The following ACADSB variants were observed in gnomAD, a reference collection of about 807,000 sequenced individuals.
The protein encoded by ACADSB is acyl-CoA dehydrogenase short/branched chain.
In ACADSB, 40 loss-of-function variants were observed where a neutral mutation model predicts 54.1. The observed-to-expected ratio is 0.74, with a 90% CI of 0.57 to 0.96. ACADSB has a LOEUF of 0.96. Ranked by LOEUF, ACADSB falls within the 40% of genes least tolerant of loss-of-function variation. The probability of loss-of-function intolerance (pLI) is 0.00; values close to 1 mark genes in which losing one functional copy is unlikely to be tolerated. For missense variants in ACADSB, 530 were observed against 510.4 expected, an observed-to-expected ratio of 1.04 and a Z score of -0.37; for synonymous variants, 182 against 182.8, an observed-to-expected ratio of 1.00 and a Z score of 0.03.
chr10:123,031,680 C>A (rs1850329222), intron 1 of ACADSB, among the ~76,000 whole-genome samples: 1 of 152,144 alleles, frequency 6.6e-6, no homozygotes, highest in African/African-American at 2.4e-5. Flanking sequence ...TAGGTAATAT[C>A]TCTCAATGCT....
chr10:123,053,926 T>G lies in ACADSB; in HGVS notation c.*161T>G. On this transcript the variant is annotated 3_prime_UTR_variant, in exon 11 of 11. Transcript: ENST00000358776. ...GGTCCTGGTGTTGGCCTTTTTGGTT[T>G]TCTCTTTTCAGGCTGTTTAACTTAG... 1.4e-6 allele frequency: 1 copy of G among 702,680 alleles called. No individual in the cohort carries two copies. The highest frequency in any genetic ancestry group is 2.5e-6 in the Non-Finnish European group (1 of 405,530). 43.5% of individuals were successfully genotyped at this position (702,680 alleles called of 1,614,324 possible).
chr10:123,033,022 C>T (rs1419825759), intron 1 of ACADSB, among the ~76,000 whole-genome samples: 1 of 152,160 alleles, frequency 6.6e-6, no homozygotes, highest in East Asian at 1.9e-4. Flanking sequence ...TACCTCACTT[C>T]TCCTTTACCC....
At chr10:123,045,171 A>AT (rs1181095508) in intron 7 of ACADSB, among the ~76,000 whole-genome samples, 6 of 15,374 alleles carry the variant, frequency 3.9e-4, no homozygotes, top group Non-Finnish European at 5.2e-4. Context: ...ATATATATAT[A>AT]TTTTTTTTTT....
At position 123,034,400 on chromosome 10, in the gene ACADSB, T is replaced by G; in HGVS notation, c.87T>G (p.Pro29=). Residue 29 remains proline (P), a synonymous_variant, in exon 2 of 11, where the codon CCT becomes CCG. Transcript: ENST00000358776. ...CTTGTTTGTCTTCTTGGAAGATTCC[T>G]CCTCATGTCTCAAAATCTTCCCAGT... The part of the protein sequence containing the change: ...FLTCLSSWKI[P]PHVSKSSQSE... 1 of 1,613,856 alleles carries G rather than the reference T, an allele frequency of 6.2e-7. No individual in the cohort carries two copies. The highest frequency in any genetic ancestry group is 8.5e-7 in the Non-Finnish European group (1 of 1,179,942).
At chr10:123,033,949 A>C (rs1850361781) in intron 1 of ACADSB, among the ~76,000 whole-genome samples, 1 of 152,146 alleles carries the variant, frequency 6.6e-6, no homozygotes, top group Admixed American at 6.5e-5. Context: ...GGGCCCACTC[A>C]GGGCAGGGAA....
chr10:123,010,276 GAAT>G (rs1850004801), intron 1 of ACADSB, among the ~76,000 whole-genome samples: 1 of 152,202 alleles, frequency 6.6e-6, no homozygotes, highest in Non-Finnish European at 1.5e-5. Context: ...TGCTGAAAAA[GAAT>G]AATAGCTTGC....
At chr10:123,012,820 G>C (rs1277929682) in intron 1 of ACADSB, among the ~76,000 whole-genome samples, 3 of 152,192 alleles carry the variant, frequency 2.0e-5, no homozygotes, top group African/African-American at 7.2e-5. Context: ...AGCTTCCACA[G>C]TGTGGAAGGG....
intron 4 of ACADSB, 68 bp from the exon 5 acceptor site, chr10:123,041,141 C>A: frequency 6.6e-7 from 1 of 1,516,746 alleles, no homozygotes; most frequent in South Asian, 1.2e-5. Flanking sequence ...TCCATTTTTC[C>A]ATAAGTATTT....
At chr10:123,043,507 A>C (rs1435757259) in intron 6 of ACADSB, among the ~76,000 whole-genome samples, 1 of 152,246 alleles carries the variant, frequency 6.6e-6, no homozygotes, top group African/African-American at 2.4e-5. Flanking sequence ...GTCTGGTGTC[A>C]GTGCACTAAA....
intron 1 of ACADSB, among the ~76,000 whole-genome samples, chr10:123,022,541 G>A (rs551292934): frequency 8.5e-5 from 13 of 152,290 alleles, no homozygotes; most frequent in East Asian, 7.7e-4. Flanking sequence ...AGAAAGTACC[G>A]CACGTGGTTA....
chr10:123,041,480 C>T (rs1297043382), intron 5 of ACADSB, 101 bp downstream of exon 5: 8 of 1,229,608 alleles, frequency 6.5e-6, no homozygotes, highest in South Asian at 1.3e-5. Context: ...TCATCTTGAA[C>T]TCTTTAGTCT....
intron 1 of ACADSB, among the ~76,000 whole-genome samples, chr10:123,012,777 C>T (rs545775677): frequency 8.5e-5 from 13 of 152,200 alleles, no homozygotes; most frequent in Middle Eastern, 6.8e-3. Context: ...GATTGAGCAG[C>T]GGCAAGATTT....
At chr10:123,018,776 A>T (rs1234757073) in intron 1 of ACADSB, among the ~76,000 whole-genome samples, 1 of 152,142 alleles carries the variant, frequency 6.6e-6, no homozygotes. Flanking sequence ...GGCAAGAGAG[A>T]AGTGCAGGGG....
In ACADSB at chr10:123,052,775, A is replaced by G; in HGVS notation, c.1129-286A>G. ...TGAAATGTCCCTTAGCTCGTCCGTT[A>G]GGCCCCCAGTAAACATTTCCTGAAT... On this transcript the variant is annotated intron_variant, in intron 9 of 10. Transcript: ENST00000358776. This position sits in a 1 kb window ranked among gnomAD's most constrained non-coding sequence, Gnocchi z 4.2. 1 of 413,438 alleles carries G rather than the reference A, an allele frequency of 2.4e-6. No individual in the cohort carries two copies. Among genetic ancestry groups the G allele is most frequent in the African/African-American group, 2.0e-5 (1 of 49,162 alleles). The allele number at this position is 413,438 out of a possible 1,614,324, so 25.6% of individuals were successfully genotyped here.
chr10:123,034,609 GCTCAA>G, intron 2 of ACADSB, 94 bp downstream of exon 2: 1 of 1,390,284 alleles, frequency 7.2e-7, no homozygotes, highest in Non-Finnish European at 1.0e-6. Context: ...CCACCTCTGG[GCTCAA>G]GCTATCCTGC....
rs1589730760 is a variant in ACADSB at position 123,014,302 on chromosome 10, T to C, written c.42+5231T>C. On this transcript the variant is annotated intron_variant, in intron 1 of 10. Transcript: ENST00000358776. ...AGAGCAGCTGACTCATTATAAATAATCAGTAAACATTAGCTATTTTTAAAA... is the reference window on the plus strand; with the variant it reads ...AGAGCAGCTGACTCATTATAAATAACCAGTAAACATTAGCTATTTTTAAAA... Among the ~76,000 whole-genome samples, 2 of 152,160 alleles carry C rather than the reference T, an allele frequency of 1.3e-5. 1 individual carries two copies. The highest frequency in any genetic ancestry group is 4.1e-4 in the South Asian group (2 of 4,828).
rs749242050 is a variant in ACADSB, at chr10:123,034,425, T to G, written c.112T>G (p.Ser38Ala). Residue 38 changes from serine (S) to alanine (A), a missense_variant, in exon 2 of 11, where the codon TCA (serine) becomes GCA (alanine). Ser to Ala is a moderately conservative substitution (Grantham distance 99). Coordinates refer to ENST00000358776, the MANE Select transcript of ACADSB (RefSeq NM_001609.4). ...IPPHVSKSSQSEALLNITNNG... is the reference protein window; with the variant it reads ...IPPHVSKSSQAEALLNITNNG... ...TCCTCATGTCTCAAAATCTTCCCAG[T>G]CAGAAGCTCTACTCAATATAACAAA... The G allele has an allele frequency of 2.5e-6, 4 of 1,613,580 alleles. No individual in the cohort carries two copies. The highest frequency in any genetic ancestry group is 3.3e-5 in the Admixed American group (2 of 60,024).
intron 7 of ACADSB, among the ~76,000 whole-genome samples, chr10:123,045,728 C>T (rs1850552929): frequency 6.6e-6 from 1 of 152,088 alleles, no homozygotes; most frequent in South Asian, 2.1e-4. Context: ...TGTGATTCAA[C>T]TTAGACATGA....
Position 123,053,846 on chromosome 10 carries a change from T to A in ACADSB, c.*81T>A. On this transcript the variant is annotated 3_prime_UTR_variant, in exon 11 of 11. Coordinates refer to ENST00000358776, the MANE Select transcript of ACADSB (RefSeq NM_001609.4). ...TGTGTCTTGTTGGGAGTAAGTGCCT[T>A]GCGTGGGAATAAACTTCCACAGCAT... is the stretch of plus-strand genomic sequence containing the variant. The A allele has an allele frequency of 8.1e-7, 1 of 1,239,800 alleles. No individual in the cohort carries two copies. Among genetic ancestry groups the A allele is most frequent in the Non-Finnish European group, 1.2e-6 (1 of 840,590 alleles). The allele number at this position is 1,239,800 out of a possible 1,614,324, so 76.8% of individuals were successfully genotyped here.
Sources: allele counts gnomAD v4.1 joint callset (sites outside exome capture counted in the v4.1 genomes callset), GRCh38; gene constraint gnomAD v4.1.1; non-coding constraint Gnocchi (gnomAD v3.1); transcripts MANE v1.5; gene names NCBI Gene and HGNC (gene_info 2026-07-23, HGNC 2026-07-21).